NLGN4X: variants seen among roughly 807,000 people sequenced by gnomAD.
The protein encoded by NLGN4X is neuroligin 4 X-linked, also known as neuroligin-4, X-linked.
NLGN4X carries 3 observed loss-of-function variants against 40.3 expected under a neutral mutation model. The ratio of observed to expected loss-of-function variants is 0.07; its 90% CI spans 0.03 to 0.19. The LOEUF is 0.19. Among genes scored for constraint, NLGN4X ranks in the 10% least tolerant of loss-of-function variants. The pLI is 1.00. For missense variants in NLGN4X, 382 were observed against 708.3 expected (o/e 0.54, Z 5.23); for synonymous variants, 270 against 306.8 (o/e 0.88, Z 1.25).
chrX:6,131,911 G>C (rs771226036), intron 2 of NLGN4X, among the ~76,000 whole-genome samples: 5 of 111,667 alleles, frequency 4.5e-5, no homozygotes, highest in African/African-American at 1.6e-4. Flanking sequence ...CTCTACCTCA[G>C]TACTGTTCAC....
intron 2 of NLGN4X, among the ~76,000 whole-genome samples, chrX:6,058,652 C>A (rs947963052): frequency 4.5e-5 from 5 of 111,771 alleles, no homozygotes; most frequent in African/African-American, 9.7e-5. Context: ...TGATACTGGG[C>A]ACATTTCAGT....
intron 2 of NLGN4X, among the ~76,000 whole-genome samples, chrX:6,081,337 G>C (rs762104796): frequency 8.9e-6 from 1 of 112,046 alleles, no homozygotes; most frequent in African/African-American, 3.2e-5. Context: ...GGCTGGTCAT[G>C]ATCTCCTGGT....
At chrX:6,051,209 G>A (rs1307344242) in intron 2 of NLGN4X, among the ~76,000 whole-genome samples, 1 of 111,884 alleles carries the variant, frequency 8.9e-6, no homozygotes, top group Non-Finnish European at 1.9e-5. Context: ...TGTCTCCTAT[G>A]TATTAATGTC....
intron 2 of NLGN4X, among the ~76,000 whole-genome samples, chrX:6,067,112 C>CCT (rs1555964225): frequency 9.1e-6 from 1 of 109,314 alleles, no homozygotes; most frequent in Non-Finnish European, 1.9e-5. Flanking sequence ...CAGTCCCCCC[C>CCT]CCAAAACAAA....
chrX:5,992,514 T>A (rs1335403769), intron 3 of NLGN4X, among the ~76,000 whole-genome samples: 1 of 111,162 alleles, frequency 9.0e-6, no homozygotes, highest in Non-Finnish European at 1.9e-5. Flanking sequence ...GGTGGGAGGG[T>A]GGCTTGAGCC....
intron 3 of NLGN4X, among the ~76,000 whole-genome samples, chrX:5,987,430 A>C (rs866444297): frequency 7.1e-5 from 8 of 113,086 alleles, no homozygotes; most frequent in Non-Finnish European, 1.5e-4. Context: ...ATATTTCTTC[A>C]CATGGGTGTT....
chrX:6,126,237 C>T (rs772440350), intron 2 of NLGN4X, among the ~76,000 whole-genome samples: 1 of 111,312 alleles, frequency 9.0e-6, no homozygotes, highest in African/African-American at 3.3e-5. Context: ...AAAATCTCTC[C>T]TCAACGCTGC....
At chrX:6,201,107 A>G (rs1050016412) in intron 1 of NLGN4X, among the ~76,000 whole-genome samples, 8 of 111,793 alleles carry the variant, frequency 7.2e-5, no homozygotes, top group African/African-American at 2.6e-4. Context: ...ATTCACACTC[A>G]AGAAAGTATC....
intron 2 of NLGN4X, among the ~76,000 whole-genome samples, chrX:6,149,817 CTACTT>C (rs927184455): frequency 7.2e-5 from 8 of 111,517 alleles, no homozygotes; most frequent in African/African-American, 1.3e-4. Flanking sequence ...TCATGACACT[CTACTT>C]AAACTATCTG....
chrX:5,904,837 C>T (rs1244911247), intron 4 of NLGN4X, among the ~76,000 whole-genome samples: 1 of 111,668 alleles, frequency 9.0e-6, no homozygotes, highest in Non-Finnish European at 1.9e-5. Flanking sequence ...GAAGTTCATG[C>T]CCTGTCGATT....
chrX:5,990,455 T>G (rs2035650961), intron 3 of NLGN4X, among the ~76,000 whole-genome samples: 1 of 111,419 alleles, frequency 9.0e-6, no homozygotes, highest in African/African-American at 3.3e-5. Context: ...CATGGCTCTC[T>G]GCAAAAGCAA....
In NLGN4X at chrX:6,157,766, A is replaced by G. The variant is rs374104524; in HGVS notation, c.-305-5995T>C. On this transcript the variant is annotated intron_variant, in intron 1 of 5. Coordinates refer to ENST00000381095, the MANE Select transcript of NLGN4X (RefSeq NM_181332.3). ...GGGCATCCACCCTCATGATCTCATC[A>G]GCTCCAAAGGCCCTACCTCCTAGCA... is the stretch of plus-strand genomic sequence containing the variant. Among the ~76,000 whole-genome samples the G allele has an allele frequency of 9.9e-5, 11 of 111,543 alleles. No individual in the cohort carries two copies. The East Asian group carries it at 2.6e-3, about 26-fold the overall frequency.
intron 3 of NLGN4X, among the ~76,000 whole-genome samples, chrX:5,970,790 C>A (rs971648231): frequency 8.9e-6 from 1 of 111,890 alleles, no homozygotes; most frequent in Non-Finnish European, 1.9e-5. Flanking sequence ...ATACTATATT[C>A]ATCAACTGAT....
At chrX:5,904,076 T>TACAC (rs368748482) in intron 4 of NLGN4X, among the ~76,000 whole-genome samples, 2 of 108,472 alleles carry the variant, frequency 1.8e-5, no homozygotes, top group East Asian at 2.9e-4. Flanking sequence ...AATGTTATTC[T>TACAC]ACACACACAC....
intron 3 of NLGN4X, among the ~76,000 whole-genome samples, chrX:5,979,607 C>A (rs1290483205): frequency 9.1e-6 from 1 of 109,961 alleles, no homozygotes; most frequent in Non-Finnish European, 1.9e-5. Context: ...TGATGCTGAG[C>A]ACATTTTCAT....
At chrX:6,055,095 T>C (rs1399227778) in intron 2 of NLGN4X, among the ~76,000 whole-genome samples, 1 of 112,209 alleles carries the variant, frequency 8.9e-6, no homozygotes, top group Admixed American at 9.4e-5. Context: ...CCAGCAACCG[T>C]AGTTCAGGTT....
At chrX:5,944,650 C>CAAAAAAAA (rs750871231) in intron 3 of NLGN4X, among the ~76,000 whole-genome samples, 1 of 25,570 alleles carries the variant, frequency 3.9e-5, no homozygotes, top group Non-Finnish European at 7.6e-5. Context: ...GACTCTGTCT[C>CAAAAAAAA]AAAAAAAAAA....
At chrX:5,907,766 G>A (rs902537071) in intron 4 of NLGN4X, among the ~76,000 whole-genome samples, 1 of 109,168 alleles carries the variant, frequency 9.2e-6, no homozygotes, top group African/African-American at 3.3e-5. Context: ...AGGAGAGAGA[G>A]AGAGGAAGGG....
At chrX:6,213,769 C>T (rs1924824527) in intron 1 of NLGN4X, among the ~76,000 whole-genome samples, 1 of 112,102 alleles carries the variant, frequency 8.9e-6, no homozygotes, top group African/African-American at 3.2e-5. Context: ...GGCTTCCACT[C>T]CTGAAACTTT....
Sources: allele counts gnomAD v4.1 joint callset (sites outside exome capture counted in the v4.1 genomes callset), GRCh38; gene constraint gnomAD v4.1.1; transcripts MANE v1.5; gene names NCBI Gene and HGNC (gene_info 2026-07-23, HGNC 2026-07-21).